The following ZBTB41 variants were observed in gnomAD, a reference collection of about 807,000 sequenced individuals.
ZBTB41 encodes zinc finger and BTB domain-containing protein 41.
In ZBTB41, 42 loss-of-function variants were observed where a neutral mutation model predicts 87.6. The ratio of observed to expected loss-of-function variants is 0.48; its 90% CI spans 0.37 to 0.62. The LOEUF is 0.62. Among genes scored for constraint, ZBTB41 ranks in the 20% least tolerant of loss-of-function variants. The pLI is 0.00. For missense variants in ZBTB41, 799 were observed against 1,078.9 expected, an observed-to-expected ratio of 0.74 and a Z score of 3.63; for synonymous variants, 364 against 364.0, an observed-to-expected ratio of 1.00 and a Z score of 0.00.
chr1:197,162,046 G>T (rs1659214582), intron 10 of ZBTB41, among the ~76,000 whole-genome samples: 1 of 152,054 alleles, frequency 6.6e-6, no homozygotes, highest in African/African-American at 2.4e-5. Flanking sequence ...AATCAGTTCT[G>T]GTGTGTAACA....
chr1:197,183,929 C>T (rs188757384), intron 5 of ZBTB41, among the ~76,000 whole-genome samples: 364 of 152,260 alleles, frequency 2.4e-3, no homozygotes, highest in African/African-American at 8.5e-3. Flanking sequence ...GTAAGTTCAG[C>T]ATATGCTTGT....
intron 5 of ZBTB41, among the ~76,000 whole-genome samples, chr1:197,185,708 T>C (rs931100407): frequency 3.9e-5 from 6 of 152,052 alleles, no homozygotes; most frequent in Non-Finnish European, 8.8e-5. Flanking sequence ...TTTCTTTGCC[T>C]AAGCCAATAC....
intron 9 of ZBTB41, 21 bp from the exon 10 acceptor site, chr1:197,172,269 G>C (rs1484054844): frequency 9.3e-6 from 9 of 962,636 alleles, no homozygotes; most frequent in African/African-American, 3.5e-5. Context: ...AAAAAGATTT[G>C]AGTTTTTCAA....
At position 197,176,553 on chromosome 1, in the gene ZBTB41, A is replaced by G. The variant is rs767305060; in HGVS notation, c.1879+11T>C. The G allele has an allele frequency of 1.3e-6, 2 of 1,588,986 alleles. No individual in the cohort carries two copies. Among genetic ancestry groups the G allele is most frequent in the South Asian group, 1.1e-5 (1 of 88,940 alleles). ...AGGATTTTCGAACTAGCATTACAAA[A>G]TATGGTATACCTGAATGTATTTTTT... is the stretch of plus-strand genomic sequence containing the variant. On this transcript the variant is annotated intron_variant, in intron 8 of 10. Transcript: ENST00000367405.
Position 197,156,738 on chromosome 1 carries a change from TTTG to T in ZBTB41, c.*2618_*2620del, listed in dbSNP as rs1166793233. ...GGCAGCAGATTAGTTTCATTTTGTT[TTTG>T]TTGTTGTTGTTTTCAATCATCCACT... On this transcript the variant is annotated 3_prime_UTR_variant, in exon 11 of 11. Transcript: ENST00000367405. 3.9e-5 allele frequency: 6 copies of T among 152,330 alleles called. No individual in the cohort carries two copies. The highest frequency in any genetic ancestry group is 3.9e-4 in the East Asian group (2 of 5,176). 9.4% of individuals were successfully genotyped at this position (152,330 alleles called of 1,614,324 possible). A position where few individuals can be genotyped will look rare whatever the true frequency, so the allele number is the denominator to read the frequency against.
At chr1:197,189,774 C>G (rs149755785) in intron 4 of ZBTB41, among the ~76,000 whole-genome samples, 87 of 152,272 alleles carry the variant, frequency 5.7e-4, no homozygotes, top group African/African-American at 2.0e-3. Context: ...CACATACTCA[C>G]TCTTGGAACT....
At chr1:197,165,517 G>A (rs1659317177) in intron 10 of ZBTB41, among the ~76,000 whole-genome samples, 1 of 151,846 alleles carries the variant, frequency 6.6e-6, no homozygotes, top group South Asian at 2.1e-4. Context: ...GGCTGAGGCG[G>A]GAGAATGGCG....
At chr1:197,163,525 G>C (rs577318309) in intron 10 of ZBTB41, among the ~76,000 whole-genome samples, 1 of 152,008 alleles carries the variant, frequency 6.6e-6, no homozygotes, top group African/African-American at 2.4e-5. Flanking sequence ...GAGGAGGAGA[G>C]AGAATAGGCA....
intron 3 of ZBTB41, among the ~76,000 whole-genome samples, chr1:197,191,456 C>CAAAAAA (rs537220441): frequency 1.2e-4 from 10 of 85,320 alleles, no homozygotes; most frequent in African/African-American, 4.3e-4. Context: ...AGCCCTACTT[C>CAAAAAA]AAAAAAAAAA....
rs544658967 is a variant in ZBTB41, at chr1:197,178,422, C to T, written c.1767G>A (p.Ser589=). The change falls in exon 7 of 11, where the codon TCG becomes TCA. Residue 589 remains serine, a synonymous_variant. Coordinates refer to ENST00000367405, the MANE Select transcript of ZBTB41 (RefSeq NM_194314.3). ...GAAAAAATGGTTTTACTTACCTATACGAACTTCCATGACGAAAACTTTGCC... is the reference window on the plus strand; with the variant it reads ...GAAAAAATGGTTTTACTTACCTATATGAACTTCCATGACGAAAACTTTGCC... ...ICGQSFRHGS[S]YRLHLRVHHD... is the part of the protein sequence containing the mutation. The T allele has an allele frequency of 1.9e-5, 30 of 1,605,186 alleles. 2 individuals carry two copies. The highest frequency in any genetic ancestry group is 1.7e-4 in the Middle Eastern group (1 of 5,992).
rs1256999418 is a variant in ZBTB41 at position 197,172,264 on chromosome 1, G to C, written c.1986-16C>G. ...TGCTTTATATCTAAGAAAATAAAAA[G>C]ATTTGAGTTTTTCAATATAATTTTA... On this transcript the variant is annotated splice_polypyrimidine_tract_variant and intron_variant, in intron 9 of 10. Transcript: ENST00000367405. 9.5e-7 allele frequency: 1 copy of C among 1,051,444 alleles called. No homozygotes were observed. Among genetic ancestry groups the C allele is most frequent in the Admixed American group, 3.4e-5 (1 of 29,730 alleles). The allele number at this position is 1,051,444 out of a possible 1,614,324, so 65.1% of individuals were successfully genotyped here. A position where few individuals can be genotyped will look rare whatever the true frequency, so the allele number is the denominator to read the frequency against.
intron 10 of ZBTB41, among the ~76,000 whole-genome samples, chr1:197,167,663 C>G (rs934345014): frequency 2.0e-5 from 3 of 151,992 alleles, no homozygotes; most frequent in Non-Finnish European, 4.4e-5. Flanking sequence ...AAAATATGAT[C>G]ACCTCAATCA....
rs540796070 is a variant in ZBTB41, at chr1:197,166,675, C to T, written c.2074+5485G>A. ...CCTGGCCAAGATGGTGAAACCTCAT[C>T]TCTACTTAAAAAAAAAAAAAAATTA... On this transcript the variant is annotated intron_variant, in intron 10 of 10. Transcript: ENST00000367405. Among the ~76,000 whole-genome samples the T allele has an allele frequency of 2.5e-4, 33 of 131,450 alleles. No individual in the cohort carries two copies. The South Asian group carries it at 8.4e-3, about 33-fold the overall frequency. 86.2% of individuals were successfully genotyped at this position (131,450 alleles called of 152,430 possible).
intron 4 of ZBTB41, 72 bp from the exon 5 acceptor site, chr1:197,188,511 AG>A: frequency 7.5e-7 from 1 of 1,338,710 alleles, no homozygotes; most frequent in Non-Finnish European, 1.0e-6. Flanking sequence ...TGTAATGAGA[AG>A]AAAACCATAT....
rs1659071858 is a variant in ZBTB41 at position 197,156,476 on chromosome 1, C to G, written c.*2883G>C. 6.6e-6 allele frequency: 1 copy of G among 152,070 alleles called. No homozygotes were observed. Among genetic ancestry groups the G allele is most frequent in the Admixed American group, 6.6e-5 (1 of 15,200 alleles). The allele number at this position is 152,070 out of a possible 1,614,324, so 9.4% of individuals were successfully genotyped here. A position where few individuals can be genotyped will look rare whatever the true frequency, so the allele number is the denominator to read the frequency against. ...CAAAATAAAAAAATTCTGAATGAGG[C>G]TAAACTTAGTTGCAAGATTCAAAAT... On this transcript the variant is annotated 3_prime_UTR_variant, in exon 11 of 11. Transcript: ENST00000367405.
chr1:197,173,055 A>G (rs915939464), intron 9 of ZBTB41, among the ~76,000 whole-genome samples: 2 of 152,070 alleles, frequency 1.3e-5, no homozygotes, highest in Non-Finnish European at 2.9e-5. Flanking sequence ...CTCAACTGAA[A>G]ATTTTATTGT....
intron 10 of ZBTB41, 104 bp from the exon 11 acceptor site, chr1:197,160,118 G>T: frequency 1.2e-6 from 1 of 815,054 alleles, no homozygotes; most frequent in Non-Finnish European, 1.9e-6. Flanking sequence ...GCCAGAACTT[G>T]ATAATAGCAA....
chr1:197,187,693 T>C (rs1459886992), intron 5 of ZBTB41, among the ~76,000 whole-genome samples: 2 of 152,108 alleles, frequency 1.3e-5, no homozygotes, highest in African/African-American at 2.4e-5. Context: ...TTTAGCACTA[T>C]ACTAAGTGGA....
At position 197,158,868 on chromosome 1, in the gene ZBTB41, C is replaced by T. The variant is rs1659130707; in HGVS notation, c.*491G>A. Reference sequence around the variant, plus strand: ...CAAGGCATTCTTGTAAATTCAAATTCCTAATTTCAATTTTAAAAATTTGTA... The same window carrying T: ...CAAGGCATTCTTGTAAATTCAAATTTCTAATTTCAATTTTAAAAATTTGTA... On this transcript the variant is annotated 3_prime_UTR_variant, in exon 11 of 11. Transcript: ENST00000367405. 6.5e-6 allele frequency: 1 copy of T among 152,996 alleles called. No individual in the cohort carries two copies. The highest frequency in any genetic ancestry group is 1.5e-5 in the Non-Finnish European group (1 of 68,680). 9.5% of individuals were successfully genotyped at this position (152,996 alleles called of 1,614,324 possible).
Sources: gnomAD v4.1 joint callset for allele counts (sites outside exome capture counted in the v4.1 genomes callset) on GRCh38, gnomAD v4.1.1 for gene constraint, MANE v1.5 for transcripts, NCBI Gene and HGNC (gene_info 2026-07-23, HGNC 2026-07-21) for gene names.